THSD7B: variants seen among roughly 807,000 people sequenced by gnomAD.
The protein encoded by THSD7B is thrombospondin type-1 domain-containing protein 7B.
THSD7B carries 138 observed loss-of-function variants against 213.6 expected under a neutral mutation model. That is an observed-to-expected ratio of 0.65 (90% CI 0.56 to 0.74). The LOEUF is 0.74. THSD7B is among the 30% of genes least tolerant of loss of function. THSD7B has a pLI of 0.00. For synonymous variants in THSD7B, 742 were observed against 687.0 expected (o/e 1.08, Z -1.25); for missense variants, 1,931 against 1,991.5 (o/e 0.97, Z 0.58).
chr2:137,136,971 A>G (rs1679479429), intron 5 of THSD7B, among the ~76,000 whole-genome samples: 2 of 152,188 alleles, frequency 1.3e-5, no homozygotes, highest in Admixed American at 6.6e-5. Context: ...CAATGTTCTC[A>G]TCTTCCCATT....
chr2:137,504,860 A>G (rs2105142648), intron 15 of THSD7B, among the ~76,000 whole-genome samples: 1 of 152,262 alleles, frequency 6.6e-6, no homozygotes, highest in Non-Finnish European at 1.5e-5. Context: ...CCAAAACAAG[A>G]TTAAAGGCAA....
intron 14 of THSD7B, among the ~76,000 whole-genome samples, chr2:137,428,717 A>C (rs991112326): frequency 6.6e-6 from 1 of 152,226 alleles, no homozygotes; most frequent in African/African-American, 2.4e-5. Context: ...GGTTCTATTT[A>C]CATGAAATAT....
intron 2 of THSD7B, among the ~76,000 whole-genome samples, chr2:136,985,670 G>A (rs1187093305): frequency 6.6e-6 from 1 of 152,206 alleles, no homozygotes; most frequent in African/African-American, 2.4e-5. Context: ...TGTGAGGCTG[G>A]AGCCCCCACA....
intron 15 of THSD7B, among the ~76,000 whole-genome samples, chr2:137,547,796 C>A (rs571625030): frequency 6.6e-6 from 1 of 152,070 alleles, no homozygotes; most frequent in Non-Finnish European, 1.5e-5. Flanking sequence ...TACGTAAGAA[C>A]TCTGATGTGC....
intron 2 of THSD7B, among the ~76,000 whole-genome samples, chr2:136,902,584 GGTCCAGAGCCTGCCATAAGGGA>G (rs1684081447): frequency 6.6e-6 from 1 of 152,142 alleles, no homozygotes; most frequent in Non-Finnish European, 1.5e-5. Context: ...CGAGGATAGG[GGTCCAGAGCCTGCCATAAGGGA>G]GTGGAGGGTG....
At chr2:137,006,165 G>A (rs1357205808) in intron 2 of THSD7B, among the ~76,000 whole-genome samples, 5 of 152,012 alleles carry the variant, frequency 3.3e-5, no homozygotes, top group South Asian at 2.1e-4. Flanking sequence ...AGGCCGAGGC[G>A]GGCAGATCAC....
At chr2:136,803,542 C>T (rs1682227820) in intron 1 of THSD7B, among the ~76,000 whole-genome samples, 1 of 152,044 alleles carries the variant, frequency 6.6e-6, no homozygotes, top group Non-Finnish European at 1.5e-5. Context: ...AAATTTTTAC[C>T]TGGCAGTTTA....
At chr2:137,377,075 T>G (rs2104958334) in intron 12 of THSD7B, among the ~76,000 whole-genome samples, 1 of 152,322 alleles carries the variant, frequency 6.6e-6, no homozygotes, top group Middle Eastern at 3.4e-3. Flanking sequence ...CTGTATACAC[T>G]AAAATGCAAT....
chr2:137,525,683 A>G (rs1257878621), intron 15 of THSD7B, among the ~76,000 whole-genome samples: 5 of 152,196 alleles, frequency 3.3e-5, no homozygotes, highest in Non-Finnish European at 7.4e-5. Context: ...ATAATGTACT[A>G]TGCTTAAAAA....
chr2:136,899,836 G>A (rs1684035540), intron 2 of THSD7B, among the ~76,000 whole-genome samples: 1 of 152,126 alleles, frequency 6.6e-6, no homozygotes, highest in Non-Finnish European at 1.5e-5. Context: ...AAGTTCTAAA[G>A]TTCTTAACAT....
intron 4 of THSD7B, among the ~76,000 whole-genome samples, chr2:137,109,911 A>G (rs1018310124): frequency 5.9e-5 from 9 of 151,908 alleles, no homozygotes; most frequent in Non-Finnish European, 4.4e-5. Flanking sequence ...TGTCTCTACT[A>G]TTCTCCCCTT....
rs576755733 is a variant in THSD7B at position 137,522,901 on chromosome 2, C to T, written c.3139-40320C>T. Among the ~76,000 whole-genome samples, 5 of 152,316 alleles carry T rather than the reference C, an allele frequency of 3.3e-5. No individual in the cohort carries two copies. In the South Asian group the frequency reaches 1.0e-3, roughly 32 times the overall value. On this transcript the variant is annotated intron_variant, in intron 15 of 27. Transcript: ENST00000409968. The stretch of plus-strand genomic sequence containing the variant: ...GATTGCATTCAAGCTAGTTGTTTAC[C>T]TGCCTGATGGCAAAGATTGCATCTC...
chr2:136,807,593 G>C (rs1260002176), intron 1 of THSD7B, among the ~76,000 whole-genome samples: 1 of 140,944 alleles, frequency 7.1e-6, no homozygotes, highest in Non-Finnish European at 1.5e-5. Context: ...TGCAAGCTCT[G>C]CCTCCCGGGT....
chr2:136,996,375 T>G (rs936168821), intron 2 of THSD7B, among the ~76,000 whole-genome samples: 1 of 152,106 alleles, frequency 6.6e-6, no homozygotes. Flanking sequence ...AAGGTCTTGC[T>G]TTGTCATCTT....
rs1490186643 is a variant in THSD7B, at chr2:137,029,828, C to T, written c.140-26592C>T. On this transcript the variant is annotated intron_variant, in intron 2 of 27. Coordinates refer to ENST00000409968, the MANE Select transcript of THSD7B (RefSeq NM_001316349.2). The stretch of plus-strand genomic sequence containing the variant: ...ATGGTACCCTGTTTTTATAGTGCAC[C>T]TGATAGCACTAGTGTTCCACGGAGC... Among the ~76,000 whole-genome samples the T allele has an allele frequency of 3.9e-5, 6 of 152,090 alleles. No individual in the cohort carries two copies. In the South Asian group the frequency reaches 6.2e-4, roughly 16 times the overall value.
In THSD7B at chr2:137,190,689, TA is replaced by T. The variant is rs199815588; in HGVS notation, c.1723+19754del. On this transcript the variant is annotated intron_variant, in intron 7 of 27. Transcript: ENST00000409968. Reference sequence around the variant, plus strand: ...GGAACCAGAATCCCCTGGGGCTGGTTAAAGCACATATGCATATCTAACACTA... The same window carrying T: ...GGAACCAGAATCCCCTGGGGCTGGTTAAGCACATATGCATATCTAACACTA... Among the ~76,000 whole-genome samples the T allele has an allele frequency of 5.2e-3, 798 of 152,292 alleles. 21 individuals carry two copies. The highest frequency in any genetic ancestry group is 0.047 in the Admixed American group (716 of 15,304).
At chr2:137,365,348 A>G (rs1324568006) in intron 12 of THSD7B, among the ~76,000 whole-genome samples, 1 of 152,238 alleles carries the variant, frequency 6.6e-6, no homozygotes, top group African/African-American at 2.4e-5. Context: ...CTTCATGACC[A>G]AAACACCAAA....
At chr2:137,257,360 A>C (rs1203636777) in intron 10 of THSD7B, among the ~76,000 whole-genome samples, 1 of 152,200 alleles carries the variant, frequency 6.6e-6, no homozygotes, top group Non-Finnish European at 1.5e-5. Context: ...CAACGGATTT[A>C]ATAGAAACAG....
rs898891936 is a variant in THSD7B, at chr2:137,128,234, G to A, written c.1369+12941G>A. Among the ~76,000 whole-genome samples the A allele has an allele frequency of 9.2e-5, 14 of 152,010 alleles. No individual in the cohort carries two copies. The East Asian group carries it at 1.2e-3, about 13-fold the overall frequency. ...TTAAATAAAGCTTACAACACCACTC[G>A]TCATTTTTAACACTTATAACTTTAA... On this transcript the variant is annotated intron_variant, in intron 5 of 27. Coordinates refer to ENST00000409968, the MANE Select transcript of THSD7B (RefSeq NM_001316349.2).
Sources: allele counts gnomAD v4.1 joint callset (sites outside exome capture counted in the v4.1 genomes callset), GRCh38; gene constraint gnomAD v4.1.1; transcripts MANE v1.5; gene names NCBI Gene and HGNC (gene_info 2026-07-23, HGNC 2026-07-21).